Variants in FHIT observed in about 807,000 individuals in gnomAD.
The protein encoded by FHIT is fragile histidine triad diadenosine triphosphatase, also known as bis(5'-adenosyl)-triphosphatase.
A neutral mutation model predicts 17.9 loss-of-function variants in FHIT; 19 were observed. The ratio of observed to expected loss-of-function variants is 1.06; its 90% confidence interval spans 0.74 to 1.56. FHIT has a LOEUF of 1.56. Among genes scored for constraint, FHIT ranks in the 40% most tolerant of loss-of-function variants. FHIT has a pLI of 0.00. For synonymous variants in FHIT, 81 were observed against 69.7 expected, an observed-to-expected ratio of 1.16 and a Z score of -0.81; for missense variants, 248 against 189.2, an observed-to-expected ratio of 1.31 and a Z score of -1.82.
At chr3:60,093,665 G>A (rs1703822579) in intron 5 of FHIT, among the ~76,000 whole-genome samples, 1 of 152,158 alleles carries the variant, frequency 6.6e-6, no homozygotes, top group Admixed American at 6.5e-5. Context: ...TATCAGATCA[G>A]CAGCAGCATT....
intron 5 of FHIT, among the ~76,000 whole-genome samples, chr3:60,122,480 C>G (rs2107225979): frequency 6.6e-6 from 1 of 152,234 alleles, no homozygotes; most frequent in Non-Finnish European, 1.5e-5. Flanking sequence ...CGTCTTGGAA[C>G]TCGAACAGGA....
intron 5 of FHIT, among the ~76,000 whole-genome samples, chr3:60,445,195 A>T (rs2031239522): frequency 6.6e-6 from 1 of 152,068 alleles, no homozygotes; most frequent in African/African-American, 2.4e-5. Flanking sequence ...AGAGATTCTG[A>T]TTCACTAGGT....
At chr3:60,057,616 C>A (rs540719796) in intron 5 of FHIT, among the ~76,000 whole-genome samples, 4 of 151,922 alleles carry the variant, frequency 2.6e-5, no homozygotes, top group African/African-American at 9.7e-5. Flanking sequence ...AGAAATTGAC[C>A]TTTGTGGTCT....
intron 7 of FHIT, among the ~76,000 whole-genome samples, chr3:59,977,674 T>A (rs527749578): frequency 6.6e-6 from 1 of 152,272 alleles, no homozygotes; most frequent in South Asian, 2.1e-4. Context: ...TTTGAAACTA[T>A]TCCTGTCCAT....
chr3:60,899,685 G>A (rs553816744), intron 3 of FHIT, among the ~76,000 whole-genome samples: 1 of 152,242 alleles, frequency 6.6e-6, no homozygotes, highest in African/African-American at 2.4e-5. Flanking sequence ...TCAATAATAT[G>A]TGCAAAAGTG....
intron 4 of FHIT, among the ~76,000 whole-genome samples, chr3:60,707,170 T>A (rs556572718): frequency 4.6e-5 from 7 of 152,190 alleles, no homozygotes; most frequent in African/African-American, 1.7e-4. Flanking sequence ...GTCCCTTTAG[T>A]AGCTCCAAAA....
chr3:60,107,590 T>G (rs1162346806), intron 5 of FHIT, among the ~76,000 whole-genome samples: 1 of 152,186 alleles, frequency 6.6e-6, no homozygotes, highest in Non-Finnish European at 1.5e-5. Context: ...ATTTGCTCTA[T>G]CCCATTAGAA....
chr3:61,181,307 A>T (rs930528149), intron 2 of FHIT, among the ~76,000 whole-genome samples: 8 of 152,218 alleles, frequency 5.3e-5, no homozygotes, highest in African/African-American at 1.7e-4. Context: ...AAATATACAA[A>T]TATATACTGT....
intron 5 of FHIT, among the ~76,000 whole-genome samples, chr3:60,064,496 C>A (rs79493630): frequency 1.3e-5 from 2 of 152,126 alleles, no homozygotes; most frequent in Non-Finnish European, 2.9e-5. Context: ...GAATTTTGAC[C>A]GCATAGTAAA....
At chr3:60,761,334 G>A (rs566821333) in intron 4 of FHIT, among the ~76,000 whole-genome samples, 1 of 152,272 alleles carries the variant, frequency 6.6e-6, no homozygotes, top group Non-Finnish European at 1.5e-5. Flanking sequence ...GTGCGTATGA[G>A]CACATGCATG....
intron 5 of FHIT, among the ~76,000 whole-genome samples, chr3:60,365,830 A>C (rs1250906320): frequency 6.6e-6 from 1 of 152,184 alleles, no homozygotes; most frequent in Non-Finnish European, 1.5e-5. Context: ...AATTGATTTC[A>C]TTATGGAACA....
At chr3:59,784,227 A>G (rs570578892) in intron 8 of FHIT, among the ~76,000 whole-genome samples, 1 of 152,288 alleles carries the variant, frequency 6.6e-6, no homozygotes, top group African/African-American at 2.4e-5. Context: ...CCCTCCCTGC[A>G]GCCATTCTTC....
intron 2 of FHIT, among the ~76,000 whole-genome samples, chr3:61,100,514 T>A (rs2035785191): frequency 6.6e-6 from 1 of 152,198 alleles, no homozygotes; most frequent in Non-Finnish European, 1.5e-5. Flanking sequence ...AGTGCTGCAA[T>A]ACACATACAT....
intron 5 of FHIT, among the ~76,000 whole-genome samples, chr3:60,159,441 A>C (rs902062925): frequency 5.3e-5 from 8 of 152,092 alleles, no homozygotes; most frequent in African/African-American, 1.9e-4. Context: ...TTTTATATAG[A>C]AAGGGTAAGA....
chr3:60,364,980 G>C (rs963171161), intron 5 of FHIT, among the ~76,000 whole-genome samples: 7 of 151,746 alleles, frequency 4.6e-5, no homozygotes, highest in Non-Finnish European at 1.0e-4. Flanking sequence ...TAGATCATGA[G>C]ACTTCTCGGC....
intron 5 of FHIT, among the ~76,000 whole-genome samples, chr3:60,327,351 C>T (rs914976003): frequency 6.6e-6 from 1 of 152,168 alleles, no homozygotes; most frequent in Non-Finnish European, 1.5e-5. Context: ...AGTAAAGTGT[C>T]AGAGATTAGC....
intron 3 of FHIT, among the ~76,000 whole-genome samples, chr3:60,978,081 A>C (rs892402409): frequency 1.3e-5 from 2 of 152,214 alleles, no homozygotes; most frequent in African/African-American, 4.8e-5. Context: ...GAAAAGAGAA[A>C]AAATACACCT....
chr3:60,837,572 T>C (rs1343800711), intron 3 of FHIT, among the ~76,000 whole-genome samples: 2 of 152,148 alleles, frequency 1.3e-5, no homozygotes, highest in Non-Finnish European at 2.9e-5. Context: ...TTCCCTGTAT[T>C]ATAAGTGGTA....
intron 8 of FHIT, among the ~76,000 whole-genome samples, chr3:59,774,107 G>A (rs191879545): frequency 3.3e-5 from 5 of 152,238 alleles, no homozygotes; most frequent in Non-Finnish European, 7.4e-5. Context: ...CTGCCCTACA[G>A]CGTGAGATGC....
Sources: gnomAD v4.1 joint callset for allele counts (sites outside exome capture counted in the v4.1 genomes callset) on GRCh38, gnomAD v4.1.1 for gene constraint, MANE v1.5 for transcripts, NCBI Gene and HGNC (gene_info 2026-07-23, HGNC 2026-07-21) for gene names.